Variants in KPNA2 observed in about 807,000 individuals in gnomAD.
KPNA2 encodes karyopherin subunit alpha 2, also known as importin subunit alpha-1.
A neutral mutation model predicts 53.7 loss-of-function variants in KPNA2; 20 were observed. The observed-to-expected ratio is 0.37, with a 90% confidence interval of 0.26 to 0.54. The LOEUF (loss-of-function observed/expected upper bound fraction) is 0.54, where lower values mean the gene tolerates loss of function less well. Among genes scored for constraint, KPNA2 ranks in the 20% least tolerant of loss-of-function variants. The probability of loss-of-function intolerance (pLI) is 0.83; values close to 1 mark genes in which losing one functional copy is unlikely to be tolerated. For missense variants in KPNA2, 515 were observed against 640.3 expected (o/e 0.80, Z 2.11); for synonymous variants, 238 against 227.5 (o/e 1.05, Z -0.42).
chr17:68,036,760 G>A (rs922259323), intron 1 of KPNA2, among the ~76,000 whole-genome samples: 13 of 152,340 alleles, frequency 8.5e-5, no homozygotes, highest in Non-Finnish European at 1.3e-4. Flanking sequence ...TTGATAACAC[G>A]TTGAAATACT....
rs782015300 is a variant in KPNA2, at chr17:68,044,077, G to A, written c.1164+6G>A. 35 of 1,590,420 alleles carry A rather than the reference G, an allele frequency of 2.2e-5. No homozygotes were observed. Among genetic ancestry groups the A allele is most frequent in the Non-Finnish European group, 2.8e-5 (32 of 1,158,832 alleles). ...TTGTCAGTGTTCTCTCTAAGGTAACGAAGTCTTAGGATTTAATCAAGTCAT... is the reference window on the plus strand; with the variant it reads ...TTGTCAGTGTTCTCTCTAAGGTAACAAAGTCTTAGGATTTAATCAAGTCAT... On this transcript the variant is annotated splice_donor_region_variant and intron_variant, in intron 8 of 10. Coordinates refer to ENST00000330459, the MANE Select transcript of KPNA2 (RefSeq NM_002266.4).
chr17:68,046,638 G>C lies in KPNA2; in HGVS notation c.*42G>C, dbSNP rs1179297095. On this transcript the variant is annotated 3_prime_UTR_variant, in exon 11 of 11. Transcript: ENST00000330459. ...ATAAATTTGTTGTGTACTACGTTTG[G>C]TATTTTGTCTTATTGTTTCTCTACT... 8.0e-7 allele frequency: 1 copy of C among 1,249,042 alleles called. No individual in the cohort carries two copies. The highest frequency in any genetic ancestry group is 1.2e-6 in the Non-Finnish European group (1 of 860,476). 77.4% of individuals were successfully genotyped at this position (1,249,042 alleles called of 1,614,324 possible). A position where few individuals can be genotyped will look rare whatever the true frequency, so the allele number is the denominator to read the frequency against.
chr17:68,038,643 G>A (rs2071218388), intron 3 of KPNA2, among the ~76,000 whole-genome samples: 1 of 152,104 alleles, frequency 6.6e-6, no homozygotes, highest in African/African-American at 2.4e-5. Context: ...AGGTTGCAGT[G>A]AGCCAAGATC....
At chr17:68,039,719 G>T (rs879976312) in intron 3 of KPNA2, among the ~76,000 whole-genome samples, 124 of 151,716 alleles carry the variant, frequency 8.2e-4, no homozygotes, top group Non-Finnish European at 1.2e-3. Context: ...GGTGGAGGCG[G>T]TGGTGAGCCG....
In KPNA2 at chr17:68,043,884, A is replaced by T; in HGVS notation, c.977A>T (p.Glu326Val). The change falls in exon 8 of 11, where the codon GAA (glutamate) becomes GTA (valine). Residue 326 changes from glutamate (E) to valine (V), a missense_variant. Transcript: ENST00000330459. ...AIGNIVTGTD[E>V]QTQVVIDAGA... is the part of the protein sequence containing the mutation. ...GGGAATATTGTCACTGGTACAGATG[A>T]ACAGACTCAGGTTGTGATTGATGCA... 6.2e-7 allele frequency: 1 copy of T among 1,613,620 alleles called. No individual in the cohort carries two copies. The highest frequency in any genetic ancestry group is 1.1e-5 in the South Asian group (1 of 91,066).
At position 68,039,152 on chromosome 17, in the gene KPNA2, G is replaced by A. The variant is rs140607826; in HGVS notation, c.214-1526G>A. Among the ~76,000 whole-genome samples, 771 of 151,634 alleles carry A rather than the reference G, an allele frequency of 5.1e-3. 9 individuals are homozygous for A. Among genetic ancestry groups the A allele is most frequent in the African/African-American group, 0.018 (732 of 41,342 alleles). On this transcript the variant is annotated intron_variant, in intron 3 of 10. Coordinates refer to ENST00000330459, the MANE Select transcript of KPNA2 (RefSeq NM_002266.4). The stretch of plus-strand genomic sequence containing the variant: ...TTTTTTTGTTTTGAGACAAAACCTT[G>A]GTTTGTTGCCCAGGCTGGAGTGCAG...
intron 5 of KPNA2, among the ~76,000 whole-genome samples, 198 bp from the exon 6 acceptor site, chr17:68,042,707 C>G (rs1380171578): frequency 6.6e-6 from 1 of 151,788 alleles, no homozygotes; most frequent in Non-Finnish European, 1.5e-5. Flanking sequence ...ACAGTGAAAC[C>G]CCACCTCTAC....
chr17:68,045,504 A>C (rs550307289), intron 9 of KPNA2: 1 of 317,786 alleles, frequency 3.1e-6, no homozygotes, highest in Admixed American at 4.4e-5. Flanking sequence ...AGTTGCCCGC[A>C]TGATTTTGAT....
chr17:68,038,077 C>T (rs1038065986), intron 3 of KPNA2, among the ~76,000 whole-genome samples: 2 of 152,052 alleles, frequency 1.3e-5, no homozygotes, highest in Admixed American at 6.6e-5. Flanking sequence ...CCCGGGTTCA[C>T]GCCATTCTCC....
At chr17:68,038,893 T>C (rs1363248014) in intron 3 of KPNA2, among the ~76,000 whole-genome samples, 1 of 151,986 alleles carries the variant, frequency 6.6e-6, no homozygotes, top group Non-Finnish European at 1.5e-5. Context: ...CGCCGGCCTT[T>C]AGTCCTAGGT....
Position 68,042,901 on chromosome 17 carries a change from T to C in KPNA2, c.572-4T>C. On this transcript the variant is annotated splice_polypyrimidine_tract_variant and splice_region_variant and intron_variant, in intron 5 of 10. Transcript: ENST00000330459. ...AAAAAAATTAATCTTGCCTTTTTTTTCAGGTGATGGCTCAGTGTTCCGAGA... is the reference window on the plus strand; with the variant it reads ...AAAAAAATTAATCTTGCCTTTTTTTCCAGGTGATGGCTCAGTGTTCCGAGA... 1 of 1,593,468 alleles carries C rather than the reference T, an allele frequency of 6.3e-7. No homozygotes were observed. Among genetic ancestry groups the C allele is most frequent in the South Asian group, 1.2e-5 (1 of 86,900 alleles).
chr17:68,040,009 G>A (rs553045301), intron 3 of KPNA2, among the ~76,000 whole-genome samples: 35 of 152,176 alleles, frequency 2.3e-4, no homozygotes, highest in Non-Finnish European at 3.1e-4. Flanking sequence ...GAACCCAGGA[G>A]GCGGAGGTGG....
chr17:68,043,320 C>G lies in KPNA2; in HGVS notation c.887C>G (p.Pro296Arg). ...IGMVVKTGVV[P>R]QLVKLLGASE... The stretch of plus-strand genomic sequence containing the variant: ...ATGGTGGTGAAAACAGGAGTTGTGC[C>G]CCAACTTGTGAAGCTTCTAGGAGCT... Residue 296 changes from proline to arginine, a missense_variant, in exon 7 of 11, where the codon CCC (proline) becomes CGC (arginine). Coordinates refer to ENST00000330459, the MANE Select transcript of KPNA2 (RefSeq NM_002266.4). 1 of 1,614,086 alleles carries G rather than the reference C, an allele frequency of 6.2e-7. No homozygotes were observed. Among genetic ancestry groups the G allele is most frequent in the Non-Finnish European group, 8.5e-7 (1 of 1,180,012 alleles).
At chr17:68,037,062 CAAAGG>C (rs2071198187) in intron 1 of KPNA2, 43 bp from the exon 2 acceptor site, 1 of 1,240,400 alleles carries the variant, frequency 8.1e-7, no homozygotes, top group Non-Finnish European at 1.2e-6. Context: ...CTATTATTGA[CAAAGG>C]AAAATGATAA....
At chr17:68,037,900 G>A (rs1555703997) in intron 3 of KPNA2, among the ~76,000 whole-genome samples, 1 of 151,858 alleles carries the variant, frequency 6.6e-6, no homozygotes, top group East Asian at 1.9e-4. Flanking sequence ...ATGGGTTCAA[G>A]CAATTCTCCT....
chr17:68,045,808 A>T lies in KPNA2; in HGVS notation c.1384A>T (p.Ile462Leu), dbSNP rs148952966. 5.6e-6 allele frequency: 9 copies of T among 1,600,546 alleles called. No individual in the cohort carries two copies. The African/African-American group carries it at 8.1e-5, about 14-fold the overall frequency. The change falls in exon 10 of 11, where the codon ATA (isoleucine) becomes TTA (leucine). Residue 462 changes from isoleucine (I) to leucine (L), a missense_variant. Coordinates refer to ENST00000330459, the MANE Select transcript of KPNA2 (RefSeq NM_002266.4). ...EKLGETEKLS[I>L]MIEECGGLDK... ...ACTAGGTGAAACTGAGAAACTTAGT[A>T]TAATGATTGAAGAATGTGGAGGCTT...
intron 3 of KPNA2, among the ~76,000 whole-genome samples, chr17:68,038,680 C>A (rs1252558865): frequency 3.9e-5 from 6 of 151,978 alleles, no homozygotes; most frequent in African/African-American, 1.5e-4. Flanking sequence ...GCCTGTGCAA[C>A]AAGAGTGAAA....
At chr17:68,045,537 C>T in intron 9 of KPNA2, 1 of 400,888 alleles carries the variant, frequency 2.5e-6, no homozygotes, top group Non-Finnish European at 4.5e-6. Flanking sequence ...TTGGGAGCTA[C>T]TACTGATTGT....
intron 9 of KPNA2, among the ~76,000 whole-genome samples, chr17:68,044,982 C>G (rs1229485489): frequency 6.6e-6 from 1 of 151,692 alleles, no homozygotes; most frequent in African/African-American, 2.4e-5. Flanking sequence ...ATAATCCCAG[C>G]TACTCAGAAG....
Sources: allele counts gnomAD v4.1 joint callset (sites outside exome capture counted in the v4.1 genomes callset), GRCh38; gene constraint gnomAD v4.1.1; transcripts MANE v1.5; gene names NCBI Gene and HGNC (gene_info 2026-07-23, HGNC 2026-07-21).